The following XYLT1 variants were observed in gnomAD, a reference collection of about 807,000 sequenced individuals.
XYLT1 encodes xylosyltransferase 1, also known as beta-D-xylosyltransferase 1.
In XYLT1, 36 loss-of-function variants were observed where a neutral mutation model predicts 91.3. That is an observed-to-expected ratio of 0.39 (90% CI 0.30 to 0.52). The LOEUF (loss-of-function observed/expected upper bound fraction) is 0.52. Among genes scored for constraint, XYLT1 ranks in the 20% least tolerant of loss-of-function variants. The probability of loss-of-function intolerance (pLI) is 0.68; values close to 1 mark genes in which losing one functional copy is unlikely to be tolerated. For missense variants in XYLT1, 1,242 were observed against 1,284.5 expected, an observed-to-expected ratio of 0.97 and a Z score of 0.51; for synonymous variants, 588 against 532.0, an observed-to-expected ratio of 1.11 and a Z score of -1.45.
intron 1 of XYLT1, among the ~76,000 whole-genome samples, chr16:17,421,462 T>C (rs4781984): frequency 0.11 from 16,103 of 152,252 alleles, 979 homozygotes; most frequent in Non-Finnish European, 0.15. Context: ...GCAGGAGTGA[T>C]GCTGTGCCAG....
chr16:17,386,643 G>A (rs1026744863), intron 1 of XYLT1, among the ~76,000 whole-genome samples: 4 of 152,082 alleles, frequency 2.6e-5, no homozygotes, highest in Non-Finnish European at 5.9e-5. Flanking sequence ...CAGTATTTCC[G>A]TTGCATGTCA....
chr16:17,112,365 G>A (rs1411493401), intron 11 of XYLT1, among the ~76,000 whole-genome samples: 2 of 151,998 alleles, frequency 1.3e-5, no homozygotes, highest in South Asian at 2.1e-4. Context: ...CCAAGGACAG[G>A]AGGGCTGCTC....
intron 1 of XYLT1, among the ~76,000 whole-genome samples, chr16:17,391,120 A>C (rs1049083719): frequency 6.6e-6 from 1 of 152,226 alleles, no homozygotes; most frequent in African/African-American, 2.4e-5. Flanking sequence ...TCCTGAGGTC[A>C]CAAGATTTGC....
chr16:17,346,712 A>G (rs974190704), intron 2 of XYLT1, among the ~76,000 whole-genome samples: 5 of 152,160 alleles, frequency 3.3e-5, no homozygotes, highest in Non-Finnish European at 5.9e-5. Flanking sequence ...TGGGCCAGTG[A>G]ACGTGGAGAC....
chr16:17,357,786 C>A (rs895380547), intron 2 of XYLT1, among the ~76,000 whole-genome samples: 9 of 152,366 alleles, frequency 5.9e-5, no homozygotes, highest in Middle Eastern at 3.4e-3. Flanking sequence ...GTGGGAGGGG[C>A]ACCAGACACC....
chr16:17,137,360 C>A (rs2030774470), intron 8 of XYLT1, among the ~76,000 whole-genome samples: 1 of 152,224 alleles, frequency 6.6e-6, no homozygotes, highest in South Asian at 2.1e-4. Flanking sequence ...ACATCAAGGG[C>A]ACCTTGGCTG....
At chr16:17,350,605 A>G (rs1398005237) in intron 2 of XYLT1, among the ~76,000 whole-genome samples, 1 of 152,222 alleles carries the variant, frequency 6.6e-6, no homozygotes, top group Admixed American at 6.5e-5. Flanking sequence ...TCTCTGCCCC[A>G]GAGAGGTTCT....
At chr16:17,239,135 T>C (rs1175531359) in intron 3 of XYLT1, among the ~76,000 whole-genome samples, 1 of 152,254 alleles carries the variant, frequency 6.6e-6, no homozygotes, top group Non-Finnish European at 1.5e-5. Context: ...TTGTCATTTC[T>C]TGCCTAGACT....
intron 9 of XYLT1, among the ~76,000 whole-genome samples, chr16:17,128,879 C>T (rs1044486842): frequency 9.2e-5 from 14 of 152,078 alleles, no homozygotes; most frequent in Admixed American, 2.0e-4. Flanking sequence ...CTTTATAAGG[C>T]GCTTGTGGGT....
intron 2 of XYLT1, among the ~76,000 whole-genome samples, chr16:17,309,797 G>A (rs1377295134): frequency 6.6e-6 from 1 of 152,330 alleles, no homozygotes; most frequent in East Asian, 1.9e-4. Context: ...GATTAACAGG[G>A]TTAAGATGTG....
At chr16:17,413,835 C>A (rs2036144360) in intron 1 of XYLT1, among the ~76,000 whole-genome samples, 1 of 152,130 alleles carries the variant, frequency 6.6e-6, no homozygotes, top group African/African-American at 2.4e-5. Context: ...GCAAGCCTCT[C>A]ACATGCAAAC....
At chr16:17,219,280 C>CAAAAA (rs369055155) in intron 3 of XYLT1, among the ~76,000 whole-genome samples, 37 of 84,994 alleles carry the variant, frequency 4.4e-4, no homozygotes, top group African/African-American at 5.6e-4. Flanking sequence ...GACTTTGTCT[C>CAAAAA]AAAAAAAAAA....
chr16:17,299,637 T>C (rs528810607), intron 2 of XYLT1, among the ~76,000 whole-genome samples: 12 of 152,282 alleles, frequency 7.9e-5, no homozygotes, highest in African/African-American at 2.6e-4. Context: ...GACTCTGCCA[T>C]AGAGACTTAC....
chr16:17,108,271 C>T lies in XYLT1; in HGVS notation c.*424G>A, dbSNP rs1454848836. The T allele has an allele frequency of 6.2e-6, 1 of 160,124 alleles. No individual in the cohort carries two copies. Among genetic ancestry groups the T allele is most frequent in the Non-Finnish European group, 1.4e-5 (1 of 73,334 alleles). 9.9% of individuals were successfully genotyped at this position (160,124 alleles called of 1,614,324 possible). On this transcript the variant is annotated 3_prime_UTR_variant, in exon 12 of 12. Transcript: ENST00000261381. ...AGGGCTGAGCTTTGGGAGGGAACCT[C>T]GCACTTGTCAGCTTCAACCAGAGCA...
At chr16:17,390,672 G>C (rs1163474175) in intron 1 of XYLT1, among the ~76,000 whole-genome samples, 2 of 152,190 alleles carry the variant, frequency 1.3e-5, no homozygotes, top group Non-Finnish European at 2.9e-5. Context: ...TACTTTAAAA[G>C]ATAACAGTCC....
At chr16:17,179,196 G>A (rs1597172350) in intron 5 of XYLT1, among the ~76,000 whole-genome samples, 1 of 152,086 alleles carries the variant, frequency 6.6e-6, no homozygotes, top group South Asian at 2.1e-4. Context: ...GAGTACACAC[G>A]GAAACAAAGA....
chr16:17,268,857 T>C (rs1596458096), intron 2 of XYLT1, among the ~76,000 whole-genome samples: 1 of 152,046 alleles, frequency 6.6e-6, no homozygotes, highest in Admixed American at 6.6e-5. Context: ...ATTTTTAGTA[T>C]AGACAGGGTT....
chr16:17,328,548 CAA>C (rs71373105), intron 2 of XYLT1, among the ~76,000 whole-genome samples: 7 of 51,252 alleles, frequency 1.4e-4, no homozygotes, highest in African/African-American at 1.8e-4. Flanking sequence ...GACTCCTTCT[CAA>C]AAAAAAAAAA....
intron 2 of XYLT1, chr16:17,338,172 C>A (rs1211633452): frequency 2.2e-6 from 1 of 456,482 alleles, no homozygotes; most frequent in Non-Finnish European, 4.4e-6. Flanking sequence ...ACTGAATGTC[C>A]CCTTTTCTGA....
Sources: allele counts gnomAD v4.1 joint callset (sites outside exome capture counted in the v4.1 genomes callset), GRCh38; gene constraint gnomAD v4.1.1; transcripts MANE v1.5; gene names NCBI Gene and HGNC (gene_info 2026-07-23, HGNC 2026-07-21).